The following KLF12 variants were observed in gnomAD, a reference collection of about 807,000 sequenced individuals.
KLF12 encodes the protein Krueppel-like factor 12.
In KLF12, 9 loss-of-function variants were observed where a neutral mutation model predicts 37.8. The observed-to-expected ratio is 0.24, with a 90% CI of 0.14 to 0.42. KLF12 has a LOEUF of 0.42. KLF12 is among the 10% of genes least tolerant of loss of function. The pLI, the probability that KLF12 is intolerant of heterozygous loss-of-function variation, is 1.00. For synonymous variants in KLF12, 208 were observed against 202.1 expected (o/e 1.03, Z -0.25); for missense variants, 411 against 516.0 (o/e 0.80, Z 1.97).
intron 6 of KLF12, among the ~76,000 whole-genome samples, chr13:73,759,723 G>C (rs1879425747): frequency 6.6e-6 from 1 of 152,108 alleles, no homozygotes; most frequent in Admixed American, 6.6e-5. Context: ...GTTTTTGTCT[G>C]GGGGCCTCCA....
Position 73,690,561 on chromosome 13 carries a change from T to A in KLF12, c.*4929A>T, listed in dbSNP as rs1262252976. 6.6e-6 allele frequency: 1 copy of A among 152,182 alleles called. No homozygotes were observed. Among genetic ancestry groups the A allele is most frequent in the Non-Finnish European group, 1.5e-5 (1 of 68,028 alleles). The allele number at this position is 152,182 out of a possible 1,614,324, so 9.4% of individuals were successfully genotyped here. On this transcript the variant is annotated 3_prime_UTR_variant, in exon 8 of 8. Transcript: ENST00000377669. ...CAGTTGTCTGCAACTTAAAATGACT[T>A]CATTATATTTTAAACCATCCTGGCT...
intron 2 of KLF12, among the ~76,000 whole-genome samples, chr13:73,983,487 G>T (rs1178519488): frequency 6.6e-6 from 1 of 152,080 alleles, no homozygotes; most frequent in East Asian, 1.9e-4. Context: ...CCCAGTTACT[G>T]CCTGCCAATC....
chr13:73,787,930 G>A (rs539873712), intron 5 of KLF12, among the ~76,000 whole-genome samples: 3 of 152,234 alleles, frequency 2.0e-5, no homozygotes, highest in African/African-American at 7.2e-5. Flanking sequence ...AGGGAAAAGA[G>A]AGGGACAGGA....
At chr13:73,887,516 C>T (rs948119940) in intron 3 of KLF12, among the ~76,000 whole-genome samples, 1 of 152,116 alleles carries the variant, frequency 6.6e-6, no homozygotes, top group African/African-American at 2.4e-5. Flanking sequence ...CTTCCCTTTG[C>T]CTTCCACCAT....
chr13:73,799,384 T>A (rs577858268), intron 5 of KLF12, among the ~76,000 whole-genome samples: 5 of 152,078 alleles, frequency 3.3e-5, no homozygotes, highest in Non-Finnish European at 7.4e-5. Flanking sequence ...GTAACAAACC[T>A]TCACATGTAC....
At chr13:73,919,698 A>G (rs761463940) in intron 3 of KLF12, among the ~76,000 whole-genome samples, 5 of 152,144 alleles carry the variant, frequency 3.3e-5, no homozygotes, top group Non-Finnish European at 4.4e-5. Context: ...TCAATCCTCT[A>G]ATTTCATTTG....
the KLF12 span, among the ~76,000 whole-genome samples, chr13:74,180,479 A>G: frequency 6.6e-6 from 1 of 152,240 alleles, no homozygotes; most frequent in South Asian, 2.1e-4. Flanking sequence ...AAAACTCTTA[A>G]GAAAGCCAAA....
chr13:74,164,215 C>T, the KLF12 span, among the ~76,000 whole-genome samples: 2 of 151,960 alleles, frequency 1.3e-5, no homozygotes, highest in Non-Finnish European at 2.9e-5. Context: ...GTTTTCTTCC[C>T]AAGATAAAAT....
chr13:74,301,185 C>G, the KLF12 span, among the ~76,000 whole-genome samples: 7 of 152,126 alleles, frequency 4.6e-5, no homozygotes, highest in African/African-American at 1.7e-4. Flanking sequence ...ACATCTAGAA[C>G]AGTATTTCAA....
intron 1 of KLF12, among the ~76,000 whole-genome samples, chr13:74,033,235 G>T (rs888428500): frequency 3.3e-5 from 5 of 152,124 alleles, no homozygotes. Context: ...AAATAAGAAA[G>T]TTGAGATCCC....
At chr13:74,022,203 A>C (rs889961093) in intron 1 of KLF12, among the ~76,000 whole-genome samples, 5 of 152,212 alleles carry the variant, frequency 3.3e-5, no homozygotes, top group Non-Finnish European at 7.3e-5. Context: ...CACCACAGGC[A>C]CAACCCAAAT....
At chr13:74,287,349 T>TGAGAGGGAGAGAGA in the KLF12 span, among the ~76,000 whole-genome samples, 1 of 71,866 alleles carries the variant, frequency 1.4e-5, no homozygotes, top group Non-Finnish European at 2.5e-5. Context: ...CTATCAAAGT[T>TGAGAGGGAGAGAGA]GAGAGAGAGA....
intron 3 of KLF12, among the ~76,000 whole-genome samples, chr13:73,904,789 T>G (rs991924302): frequency 2.0e-5 from 3 of 152,096 alleles, no homozygotes; most frequent in African/African-American, 7.2e-5. Context: ...CAGTGATGCG[T>G]GTAGTTCAGC....
chr13:73,897,596 G>A (rs1362731117), intron 3 of KLF12, among the ~76,000 whole-genome samples: 2 of 152,070 alleles, frequency 1.3e-5, no homozygotes, highest in African/African-American at 4.8e-5. Context: ...GTCTTTAAAT[G>A]TTGGCTATTT....
intron 6 of KLF12, among the ~76,000 whole-genome samples, chr13:73,719,281 C>A (rs901144856): frequency 6.6e-6 from 1 of 152,148 alleles, no homozygotes; most frequent in South Asian, 2.1e-4. Flanking sequence ...CAGCATATAT[C>A]CACAGTCGGC....
At chr13:74,054,701 T>G (rs1341623168) in intron 1 of KLF12, among the ~76,000 whole-genome samples, 1 of 152,184 alleles carries the variant, frequency 6.6e-6, no homozygotes, top group Non-Finnish European at 1.5e-5. Flanking sequence ...TATATCAAGG[T>G]TCCTATACAT....
At chr13:74,105,450 T>A (rs935733576) in intron 1 of KLF12, among the ~76,000 whole-genome samples, 1 of 152,098 alleles carries the variant, frequency 6.6e-6, no homozygotes, top group Non-Finnish European at 1.5e-5. Context: ...TTAAATAGTA[T>A]AATTAAAAGC....
intron 1 of KLF12, among the ~76,000 whole-genome samples, chr13:74,096,850 G>T (rs1429014623): frequency 2.6e-5 from 4 of 152,180 alleles, no homozygotes; most frequent in Admixed American, 2.6e-4. Context: ...CCTGCACAGA[G>T]AGCTCCAAAA....
At chr13:74,186,287 A>G in the KLF12 span, among the ~76,000 whole-genome samples, 1 of 152,098 alleles carries the variant, frequency 6.6e-6, no homozygotes, top group Admixed American at 6.6e-5. Flanking sequence ...TTACAATTGT[A>G]ATGTATTTCA....
Sources: gnomAD v4.1 joint callset for allele counts (sites outside exome capture counted in the v4.1 genomes callset) on GRCh38, gnomAD v4.1.1 for gene constraint, MANE v1.5 for transcripts, NCBI Gene and HGNC (gene_info 2026-07-23, HGNC 2026-07-21) for gene names.